ADGRL4: variants seen among roughly 807,000 people sequenced by gnomAD.
ADGRL4 encodes the protein EGF, latrophilin and seven transmembrane domain containing 1.
A neutral mutation model predicts 74.8 loss-of-function variants in ADGRL4; 90 were observed. The observed-to-expected ratio is 1.20, with a 90% CI of 1.02 to 1.43. The LOEUF is 1.43. Among genes scored for constraint, ADGRL4 ranks in the 40% most tolerant of loss-of-function variants. The pLI is 0.00. For synonymous variants in ADGRL4, 311 were observed against 279.2 expected (o/e 1.11, Z -1.14); for missense variants, 881 against 814.3 (o/e 1.08, Z -1.00).
At chr1:78,953,643 A>C (rs765437896) in intron 2 of ADGRL4, among the ~76,000 whole-genome samples, 1 of 152,208 alleles carries the variant, frequency 6.6e-6, no homozygotes, top group Non-Finnish European at 1.5e-5. Flanking sequence ...GTGTGTGAAG[A>C]AAATATTCAA....
chr1:78,933,114 G>C (rs564109967), intron 7 of ADGRL4, among the ~76,000 whole-genome samples: 1 of 151,442 alleles, frequency 6.6e-6, no homozygotes, highest in Admixed American at 6.6e-5. Context: ...AAACCTGGCA[G>C]AGACACAACA....
intron 2 of ADGRL4, among the ~76,000 whole-genome samples, chr1:79,001,548 A>G (rs1313416599): frequency 1.3e-5 from 2 of 152,202 alleles, no homozygotes; most frequent in Non-Finnish European, 2.9e-5. Context: ...GTGCTCTCAC[A>G]TAAGATACAT....
intron 12 of ADGRL4, among the ~76,000 whole-genome samples, chr1:78,901,342 G>C (rs1648513804): frequency 6.6e-6 from 1 of 152,108 alleles, no homozygotes; most frequent in Admixed American, 6.6e-5. Context: ...ATCTATAATT[G>C]TTTGAAAGAG....
At chr1:78,914,286 T>C (rs1390450566) in intron 12 of ADGRL4, among the ~76,000 whole-genome samples, 3 of 151,956 alleles carry the variant, frequency 2.0e-5, no homozygotes, top group Non-Finnish European at 4.4e-5. Flanking sequence ...ACTTATATTG[T>C]AATTATATAC....
intron 7 of ADGRL4, among the ~76,000 whole-genome samples, chr1:78,929,783 T>C (rs941217499): frequency 1.3e-5 from 2 of 151,466 alleles, no homozygotes; most frequent in African/African-American, 4.9e-5. Flanking sequence ...ACTTTGTACA[T>C]AGGATCATTA....
chr1:78,923,641 T>A (rs1408704721), intron 8 of ADGRL4, among the ~76,000 whole-genome samples: 1 of 151,776 alleles, frequency 6.6e-6, no homozygotes, highest in Non-Finnish European at 1.5e-5. Flanking sequence ...AATAGCTTTT[T>A]TAAAAAAATA....
intron 2 of ADGRL4, among the ~76,000 whole-genome samples, chr1:79,003,571 A>G (rs1021487646): frequency 1.3e-5 from 2 of 151,974 alleles, no homozygotes; most frequent in African/African-American, 2.4e-5. Flanking sequence ...CAGCAGGGGG[A>G]AAACAACTGC....
intron 2 of ADGRL4, among the ~76,000 whole-genome samples, chr1:78,985,375 G>A (rs1014633496): frequency 1.3e-5 from 2 of 151,712 alleles, no homozygotes; most frequent in Admixed American, 1.3e-4. Flanking sequence ...GACTTTTTCA[G>A]TGGCTTAAAA....
chr1:78,967,519 A>C (rs1195792691), intron 2 of ADGRL4, among the ~76,000 whole-genome samples: 3 of 152,202 alleles, frequency 2.0e-5, no homozygotes, highest in Non-Finnish European at 4.4e-5. Context: ...TGTTTTTAGT[A>C]AATGGTTATA....
At position 78,938,161 on chromosome 1, in the gene ADGRL4, A is replaced by G. The variant is rs936493247; in HGVS notation, c.515T>C (p.Leu172Ser). ...YIEILAESSS[L>S]LGYKNNTISA... ...GATAGTGTTGTTCTTGTAACCTAGT[A>G]ATGAAGATGATTCAGCTAATATTTC... The change falls in exon 5 of 15, where the codon TTA becomes TCA. Residue 172 changes from leucine (L) to serine (S), a missense_variant. Physicochemically the swap from Leu to Ser is moderately radical, Grantham distance 145 (BLOSUM62 -2). Transcript: ENST00000370742. The G allele has an allele frequency of 1.8e-5, 29 of 1,612,880 alleles. No homozygotes were observed. In the East Asian group the frequency reaches 6.5e-4, roughly 36 times the overall value.
chr1:78,967,749 A>T (rs894762355), intron 2 of ADGRL4, among the ~76,000 whole-genome samples: 1 of 152,218 alleles, frequency 6.6e-6, no homozygotes, highest in South Asian at 2.1e-4. Context: ...TTCTTAAGTC[A>T]TTAATCTGCT....
intron 12 of ADGRL4, among the ~76,000 whole-genome samples, chr1:78,905,194 G>C (rs1334588361): frequency 2.0e-5 from 3 of 152,022 alleles, no homozygotes; most frequent in Non-Finnish European, 2.9e-5. Context: ...TAATTCAAGA[G>C]TAAGTTGAGC....
intron 3 of ADGRL4, 56 bp from the exon 4 acceptor site, chr1:78,939,314 C>A (rs993358957): frequency 2.3e-5 from 32 of 1,405,956 alleles, no homozygotes; most frequent in Non-Finnish European, 2.6e-5. Context: ...TTTTCCTAAG[C>A]TGATCATATC....
At chr1:78,947,007 A>G (rs1649614481) in intron 2 of ADGRL4, among the ~76,000 whole-genome samples, 1 of 152,188 alleles carries the variant, frequency 6.6e-6, no homozygotes, top group African/African-American at 2.4e-5. Flanking sequence ...CTTTACCTTT[A>G]TACTCTTACA....
intron 2 of ADGRL4, among the ~76,000 whole-genome samples, chr1:78,961,145 G>A (rs1021601596): frequency 3.3e-5 from 5 of 151,246 alleles, no homozygotes; most frequent in African/African-American, 7.3e-5. Context: ...GCAGTTGTGC[G>A]ATCTTGGCTC....
chr1:78,975,845 G>T (rs1650266486), intron 2 of ADGRL4, among the ~76,000 whole-genome samples: 4 of 151,596 alleles, frequency 2.6e-5, no homozygotes, highest in Admixed American at 2.6e-4. Flanking sequence ...TTTCTTTTTG[G>T]TACAGGGATC....
intron 3 of ADGRL4, among the ~76,000 whole-genome samples, chr1:78,945,058 G>A (rs942749861): frequency 1.3e-5 from 2 of 151,410 alleles, no homozygotes; most frequent in African/African-American, 2.4e-5. Flanking sequence ...CCAGCTACTC[G>A]GTAGGCTGAG....
chr1:78,987,781 G>A (rs993943246), intron 2 of ADGRL4, among the ~76,000 whole-genome samples: 2 of 151,540 alleles, frequency 1.3e-5, no homozygotes, highest in Admixed American at 6.6e-5. Context: ...CATTTTCCAA[G>A]ACAGGCCACA....
chr1:78,988,050 A>C (rs1396583094), intron 2 of ADGRL4, among the ~76,000 whole-genome samples: 2 of 151,808 alleles, frequency 1.3e-5, no homozygotes, highest in Non-Finnish European at 2.9e-5. Flanking sequence ...GAAACTTGCA[A>C]AATGTATTAG....
Sources: allele counts gnomAD v4.1 joint callset (sites outside exome capture counted in the v4.1 genomes callset), GRCh38; gene constraint gnomAD v4.1.1; transcripts MANE v1.5; gene names NCBI Gene and HGNC (gene_info 2026-07-23, HGNC 2026-07-21).